Variants in CABLES2 observed in about 807,000 individuals in gnomAD.
CABLES2 encodes the protein CDK5 and ABL1 enzyme substrate 2.
CABLES2 carries 35 observed loss-of-function variants against 44.8 expected under a neutral mutation model. The ratio of observed to expected loss-of-function variants is 0.78; its 90% confidence interval spans 0.60 to 1.04. CABLES2 has a LOEUF of 1.04. Among genes scored for constraint, CABLES2 ranks in the 50% least tolerant of loss-of-function variants. The pLI, the probability that CABLES2 is intolerant of heterozygous loss-of-function variation, is 0.00. For missense variants in CABLES2, 566 were observed against 615.7 expected, an observed-to-expected ratio of 0.92 and a Z score of 0.85; for synonymous variants, 282 against 281.1, an observed-to-expected ratio of 1.00 and a Z score of -0.03.
At chr20:62,401,371 T>C (rs1461958866) in intron 1 of CABLES2, among the ~76,000 whole-genome samples, 1 of 152,206 alleles carries the variant, frequency 6.6e-6, no homozygotes, top group Non-Finnish European at 1.5e-5. Flanking sequence ...GAACCAGGGC[T>C]GTTGCAACTC....
At chr20:62,397,560 A>G (rs1988041966) in intron 1 of CABLES2, among the ~76,000 whole-genome samples, 1 of 152,190 alleles carries the variant, frequency 6.6e-6, no homozygotes, top group African/African-American at 2.4e-5. Flanking sequence ...AAGCGAGGCC[A>G]TCCTGATGCG....
intron 1 of CABLES2, among the ~76,000 whole-genome samples, chr20:62,401,938 C>T (rs1315544767): frequency 6.6e-6 from 1 of 152,252 alleles, no homozygotes. Flanking sequence ...GAACGAGGCC[C>T]TCGGCAAGGC....
Position 62,397,915 on chromosome 20 carries a change from C to T in CABLES2, c.363-1323G>A, listed in dbSNP as rs1347962184. Among the ~76,000 whole-genome samples the T allele has an allele frequency of 2.1e-3, 117 of 55,508 alleles. 3 individuals carry two copies. The highest frequency in any genetic ancestry group is 9.9e-3 in the Admixed American group (51 of 5,166). 36.4% of individuals were successfully genotyped at this position (55,508 alleles called of 152,430 possible). On this transcript the variant is annotated intron_variant, in intron 1 of 9. Coordinates refer to ENST00000279101, the MANE Select transcript of CABLES2 (RefSeq NM_031215.3). ...ATGGCGGTGGTGGTGATGGTGATGG[C>T]AGTGGTGATGGTGGTGGTGGTGATG... is the stretch of plus-strand genomic sequence containing the variant.
rs1555891472 is a variant in CABLES2 at position 62,407,269 on chromosome 20, G to A, written c.8C>T (p.Ala3Val). 2 of 551,126 alleles carry A rather than the reference G, an allele frequency of 3.6e-6. No individual in the cohort carries two copies. The highest frequency in any genetic ancestry group is 1.6e-4 in the South Asian group (2 of 12,776). 34.1% of individuals were successfully genotyped at this position (551,126 alleles called of 1,614,324 possible). The stretch of plus-strand genomic sequence containing the variant: ...GCCCGGGGCTCCACCGGCCGCGGCC[G>A]CGGCCATCCTCAGACTGCGCCCGCC... MA[A>V]AAAGGAPGPA... Residue 3 changes from alanine to valine, a missense_variant, in exon 1 of 10, where the codon GCG becomes GTG. By Grantham distance (64) the Ala-to-Val change is moderately conservative. Transcript: ENST00000279101.
Position 62,392,475 on chromosome 20 carries a change from CACG to C in CABLES2, c.1002_1004del (p.Tyr334_Val335delinsTer). The C allele has an allele frequency of 6.2e-7, 1 of 1,614,046 alleles. No individual in the cohort carries two copies. Among genetic ancestry groups the C allele is most frequent in the East Asian group, 2.2e-5 (1 of 44,880 alleles). On this transcript the variant is annotated stop_gained and inframe_deletion, in exon 8 of 10. Transcript: ENST00000279101. LOFTEE classifies it high-confidence loss of function. The stretch of plus-strand genomic sequence containing the variant: ...TGTCCTTTTTGAGGTCTGAGGGCTT[CACG>C]TATTCTATCACTGTGGTCTGCAACA...
chr20:62,406,725 G>A (rs969926365), intron 1 of CABLES2, among the ~76,000 whole-genome samples, 190 bp downstream of exon 1: 21 of 150,442 alleles, frequency 1.4e-4, no homozygotes, highest in Non-Finnish European at 2.5e-4. Context: ...GGCTGACAAG[G>A]CCCCAGGTGA....
intron 8 of CABLES2, 100 bp downstream of exon 8, chr20:62,392,289 G>A (rs961195020): frequency 4.5e-6 from 4 of 888,998 alleles, no homozygotes; most frequent in African/African-American, 1.6e-5. Context: ...GATGGGCAGC[G>A]GCTAGACTTG....
At chr20:62,398,278 G>GATGGCA (rs1601476591) in intron 1 of CABLES2, among the ~76,000 whole-genome samples, 3 of 142,122 alleles carry the variant, frequency 2.1e-5, no homozygotes, top group Non-Finnish European at 4.6e-5. Flanking sequence ...TGGCGGTGGT[G>GATGGCA]GTGGTGGTGA....
In CABLES2 at chr20:62,392,823, G is replaced by A. The variant is rs188072888; in HGVS notation, c.984+97C>T. The A allele has an allele frequency of 7.0e-5, 77 of 1,095,576 alleles. No homozygotes were observed. In the East Asian group the frequency reaches 1.7e-3, roughly 24 times the overall value. 67.9% of individuals were successfully genotyped at this position (1,095,576 alleles called of 1,614,324 possible). The stretch of plus-strand genomic sequence containing the variant: ...GCGATCCGGGATGGGGGCACGTCAC[G>A]CCCCTGGGGCAGCTTTGCCCACAGC... On this transcript the variant is annotated intron_variant, in intron 7 of 9. Coordinates refer to ENST00000279101, the MANE Select transcript of CABLES2 (RefSeq NM_031215.3).
chr20:62,397,923 A>ATGGCGGTGGTGGTGATGGCGG (rs1448110507), intron 1 of CABLES2, among the ~76,000 whole-genome samples: 3 of 85,732 alleles, frequency 3.5e-5, no homozygotes, highest in Non-Finnish European at 7.3e-5. Flanking sequence ...GGCAGTGGTG[A>ATGGCGGTGGTGGTGATGGCGG]TGGTGGTGGT....
At position 62,394,160 on chromosome 20, in the gene CABLES2, C is replaced by T; in HGVS notation, c.711G>A (p.Gly237=). 1.2e-6 allele frequency: 2 copies of T among 1,613,060 alleles called. No individual in the cohort carries two copies. Among genetic ancestry groups the T allele is most frequent in the Non-Finnish European group, 1.7e-6 (2 of 1,179,714 alleles). ...ELEGVELGAD[G]KVVSYAKFLY... is the part of the protein sequence containing the mutation. Reference sequence around the variant, plus strand: ...CCACCAGCGAAGAGGCTCTTACCTTCCCGTCTGCTCCTAGCTCCACACCTT... The same window carrying T: ...CCACCAGCGAAGAGGCTCTTACCTTTCCGTCTGCTCCTAGCTCCACACCTT... Residue 237 remains glycine (G), a synonymous_variant, in exon 5 of 10, where the codon GGG becomes GGA. Coordinates refer to ENST00000279101, the MANE Select transcript of CABLES2 (RefSeq NM_031215.3).
At position 62,394,367 on chromosome 20, in the gene CABLES2, G is replaced by A. The variant is rs921908631; in HGVS notation, c.606-102C>T. 80 of 845,004 alleles carry A rather than the reference G, an allele frequency of 9.5e-5. No homozygotes were observed. In the African/African-American group the frequency reaches 1.3e-3, roughly 14 times the overall value. 52.3% of individuals were successfully genotyped at this position (845,004 alleles called of 1,614,324 possible). ...GGCCCGAGGTGCTCTCGGGAACAAT[G>A]TCAGCACAGCCCCTCGGGAAAGAAA... is the stretch of plus-strand genomic sequence containing the variant. On this transcript the variant is annotated intron_variant, in intron 4 of 9. Transcript: ENST00000279101.
chr20:62,403,661 C>A (rs1290406321), intron 1 of CABLES2: 2 of 152,318 alleles, frequency 1.3e-5, no homozygotes, highest in African/African-American at 2.4e-5. Context: ...AGGCGGAACA[C>A]CCCAGCACCT....
chr20:62,401,117 G>A (rs1003008036), intron 1 of CABLES2, among the ~76,000 whole-genome samples: 1 of 152,202 alleles, frequency 6.6e-6, no homozygotes, highest in Non-Finnish European at 1.5e-5. Flanking sequence ...CGCTCCCACT[G>A]TGTCAGTTGG....
chr20:62,396,269 T>C lies in CABLES2; in HGVS notation c.527+46A>G, dbSNP rs1255692068. The stretch of plus-strand genomic sequence containing the variant: ...CTGACAGGGGCAGGACCCCGTGGGC[T>C]TATGGAGACCACAGCCCTGGCCCGG... On this transcript the variant is annotated intron_variant, in intron 3 of 9. Transcript: ENST00000279101. This position sits in a 1 kb window ranked among gnomAD's most constrained non-coding sequence, Gnocchi z 5.7. 2.6e-6 allele frequency: 4 copies of C among 1,538,104 alleles called. No individual in the cohort carries two copies. Among genetic ancestry groups the C allele is most frequent in the Non-Finnish European group, 3.6e-6 (4 of 1,111,506 alleles).
chr20:62,393,075 T>C (rs564416127), intron 6 of CABLES2, 52 bp from the exon 7 acceptor site: 1 of 1,502,332 alleles, frequency 6.7e-7, no homozygotes, highest in South Asian at 1.1e-5. Context: ...AGTACCCATC[T>C]AGCCCCAAGG....
At chr20:62,401,632 C>T (rs548639293) in intron 1 of CABLES2, among the ~76,000 whole-genome samples, 4 of 152,312 alleles carry the variant, frequency 2.6e-5, no homozygotes, top group South Asian at 4.1e-4. Flanking sequence ...CAGCAGGAGG[C>T]GGGACATGCG....
chr20:62,392,524 C>T (rs762253152), intron 7 of CABLES2, 29 bp from the exon 8 acceptor site: 29 of 1,531,778 alleles, frequency 1.9e-5, no homozygotes, highest in East Asian at 2.2e-5. Flanking sequence ...AGGGTTGGGC[C>T]GGCCCCTCGC....
rs959067764 is a variant in CABLES2 at position 62,389,141 on chromosome 20, G to T, written c.*1830C>A. 6.5e-6 allele frequency: 1 copy of T among 152,976 alleles called. No homozygotes were observed. The highest frequency in any genetic ancestry group is 1.5e-5 in the Non-Finnish European group (1 of 68,570). The allele number at this position is 152,976 out of a possible 1,614,324, so 9.5% of individuals were successfully genotyped here. A position where few individuals can be genotyped will look rare whatever the true frequency, so the allele number is the denominator to read the frequency against. The stretch of plus-strand genomic sequence containing the variant: ...TTACTAGGAAGTCAGTCCTTTACAT[G>T]CTCGTAACATGGGCGAGCTCTTGAG... On this transcript the variant is annotated 3_prime_UTR_variant, in exon 10 of 10. Coordinates refer to ENST00000279101, the MANE Select transcript of CABLES2 (RefSeq NM_031215.3).
Sources: gnomAD v4.1 joint callset for allele counts (sites outside exome capture counted in the v4.1 genomes callset) on GRCh38, gnomAD v4.1.1 for gene constraint, Gnocchi (gnomAD v3.1) non-coding constraint, MANE v1.5 for transcripts, NCBI Gene and HGNC (gene_info 2026-07-23, HGNC 2026-07-21) for gene names.